The following UTP11 variants were observed in gnomAD, a reference collection of about 807,000 sequenced individuals.
UTP11 encodes the protein UTP11 small subunit processome component.
In UTP11, 29 loss-of-function variants were observed where a neutral mutation model predicts 39.0. The ratio of observed to expected loss-of-function variants is 0.74; its 90% CI spans 0.55 to 1.01. UTP11 has a LOEUF of 1.01. Among genes scored for constraint, UTP11 ranks in the 50% least tolerant of loss-of-function variants. UTP11 has a pLI of 0.00. For synonymous variants in UTP11, 111 were observed against 105.0 expected, an observed-to-expected ratio of 1.06 and a Z score of -0.35; for missense variants, 281 against 306.0, an observed-to-expected ratio of 0.92 and a Z score of 0.61.
chr1:38,016,332 A>C, intron 1 of UTP11, 27 bp from the exon 2 acceptor site: 1 of 1,612,872 alleles, frequency 6.2e-7, no homozygotes, highest in Non-Finnish European at 8.5e-7. Flanking sequence ...GAAACTAAGC[A>C]CTGTTGTTCT....
In UTP11 at chr1:38,023,641, A is replaced by C; in HGVS notation, c.*13A>C. The C allele has an allele frequency of 6.3e-7, 1 of 1,595,068 alleles. No individual in the cohort carries two copies. The highest frequency in any genetic ancestry group is 1.8e-5 in the Admixed American group (1 of 56,056). ...TCGAAAACGTTGACGTGTTATAGAT[A>C]AGCCTTGTCATTCTGTATCAAAAAT... On this transcript the variant is annotated 3_prime_UTR_variant, in exon 8 of 8. Coordinates refer to ENST00000373014, the MANE Select transcript of UTP11 (RefSeq NM_016037.4).
intron 1 of UTP11, among the ~76,000 whole-genome samples, chr1:38,013,955 T>C (rs2148736200): frequency 6.6e-6 from 1 of 152,304 alleles, no homozygotes; most frequent in South Asian, 2.1e-4. Context: ...CCTCTGGTGA[T>C]CCACCCGCCT....
Position 38,019,000 on chromosome 1 carries a change from T to C in UTP11, c.343-59T>C, listed in dbSNP as rs557857747. 186 of 1,386,142 alleles carry C rather than the reference T, an allele frequency of 1.3e-4. No individual in the cohort carries two copies. The African/African-American group carries it at 2.3e-3, about 17-fold the overall frequency. 85.9% of individuals were successfully genotyped at this position (1,386,142 alleles called of 1,614,324 possible). On this transcript the variant is annotated intron_variant, in intron 4 of 7. Coordinates refer to ENST00000373014, the MANE Select transcript of UTP11 (RefSeq NM_016037.4). ...ATGGTTTAAACTTTTGCAGTTTTTT[T>C]TTTTTTTTGGTACCCTAGAAGAATC... is the stretch of plus-strand genomic sequence containing the variant.
At chr1:38,016,218 G>T in intron 1 of UTP11, 141 bp from the exon 2 acceptor site, 1 of 801,478 alleles carries the variant, frequency 1.2e-6, no homozygotes. Flanking sequence ...GGGGAGGGGA[G>T]GGAACAGGGT....
chr1:38,020,294 G>A (rs762204559), intron 6 of UTP11, among the ~76,000 whole-genome samples: 1 of 151,834 alleles, frequency 6.6e-6, no homozygotes, highest in African/African-American at 2.4e-5. Context: ...GTAGAAACGG[G>A]GTCTCGCTAA....
In UTP11 at chr1:38,012,782, C is replaced by G. The variant is rs779659828; in HGVS notation, c.-21C>G. 2.5e-6 allele frequency: 4 copies of G among 1,614,196 alleles called. No homozygotes were observed. The South Asian group carries it at 3.3e-5, about 13-fold the overall frequency. On this transcript the variant is annotated 5_prime_UTR_variant, in exon 1 of 8. The change creates a new upstream start codon in the 5' untranslated region. Coordinates refer to ENST00000373014, the MANE Select transcript of UTP11 (RefSeq NM_016037.4). ...TGCGGATCCGGCGTTCTCCACTGATCTTTTCCAAGGCTGTACAGACATGGC... is the reference window on the plus strand; with the variant it reads ...TGCGGATCCGGCGTTCTCCACTGATGTTTTCCAAGGCTGTACAGACATGGC...
At position 38,016,368 on chromosome 1, in the gene UTP11, C is replaced by G. The variant is rs770794404; in HGVS notation, c.73C>G (p.Arg25Gly). ...TTCTTTTGTCTTCTAGCCTGGCTTT[C>G]GAAAACATCTGGGCCTGCTGGAGAA... ...EHRERSQPGFRKHLGLLEKKK... is the reference protein window; with the variant it reads ...EHRERSQPGFGKHLGLLEKKK... Residue 25 changes from arginine to glycine, a missense_variant, in exon 2 of 8, where the codon CGA (arginine) becomes GGA (glycine). Coordinates refer to ENST00000373014, the MANE Select transcript of UTP11 (RefSeq NM_016037.4). 1 of 1,614,176 alleles carries G rather than the reference C, an allele frequency of 6.2e-7. No individual in the cohort carries two copies.
chr1:38,019,269 C>T lies in UTP11; in HGVS notation c.453C>T (p.Val151=), dbSNP rs1020653905. The change falls in exon 6 of 8, where the codon GTC becomes GTT. Residue 151 remains valine, a synonymous_variant. Coordinates refer to ENST00000373014, the MANE Select transcript of UTP11 (RefSeq NM_016037.4). Reference sequence around the variant, plus strand: ...GAATTTTAGTTGAACAGTTTGATGTCGCAACTCACCTGCAAACAGCCCCGG... The same window carrying T: ...GAATTTTAGTTGAACAGTTTGATGTTGCAACTCACCTGCAAACAGCCCCGG... The part of the protein sequence containing the change: ...DTKKEVEQFD[V]ATHLQTAPEL... 15 of 1,613,900 alleles carry T rather than the reference C, an allele frequency of 9.3e-6. No homozygotes were observed. The highest frequency in any genetic ancestry group is 4.0e-5 in the African/African-American group (3 of 74,872).
At chr1:38,021,982 C>T (rs1388596077) in intron 6 of UTP11, among the ~76,000 whole-genome samples, 1 of 152,034 alleles carries the variant, frequency 6.6e-6, no homozygotes, top group Non-Finnish European at 1.5e-5. Flanking sequence ...CCCCACTGAT[C>T]TTTGAGGAGT....
In UTP11 at chr1:38,023,704, C is replaced by G; in HGVS notation, c.*76C>G. ...TCTAGTAACTTCAAATTCCATTACT[C>G]CAAATGGCATGGTTTTCCGGTTTGT... On this transcript the variant is annotated 3_prime_UTR_variant, in exon 8 of 8. Coordinates refer to ENST00000373014, the MANE Select transcript of UTP11 (RefSeq NM_016037.4). 1.1e-5 allele frequency: 14 copies of G among 1,310,530 alleles called. No individual in the cohort carries two copies. The highest frequency in any genetic ancestry group is 1.5e-5 in the Non-Finnish European group (14 of 942,220). 81.2% of individuals were successfully genotyped at this position (1,310,530 alleles called of 1,614,324 possible). A position where few individuals can be genotyped will look rare whatever the true frequency, so the allele number is the denominator to read the frequency against.
intron 6 of UTP11, among the ~76,000 whole-genome samples, chr1:38,022,486 C>T (rs1052331801): frequency 5.3e-5 from 8 of 152,096 alleles, no homozygotes; most frequent in African/African-American, 7.2e-5. Flanking sequence ...GGATTACTGG[C>T]GTGAGCCACT....
At chr1:38,014,812 A>T (rs1646699059) in intron 1 of UTP11, among the ~76,000 whole-genome samples, 1 of 151,642 alleles carries the variant, frequency 6.6e-6, no homozygotes, top group South Asian at 2.1e-4. Context: ...ATTTTATTTT[A>T]TTTTTTTAAT....
At chr1:38,012,937 A>G (rs1337859510) in intron 1 of UTP11, 72 bp downstream of exon 1, 4 of 1,593,252 alleles carry the variant, frequency 2.5e-6, no homozygotes, top group Non-Finnish European at 1.7e-6. Flanking sequence ...CCCTGTCGCC[A>G]CCGTGGGATC....
intron 2 of UTP11, chr1:38,016,751 A>T (rs1350499243): frequency 1.0e-5 from 3 of 287,796 alleles, no homozygotes; most frequent in Non-Finnish European, 2.0e-5. Flanking sequence ...GAAGTGCAGG[A>T]TATAATCTGA....
chr1:38,016,319 G>A, intron 1 of UTP11, 40 bp from the exon 2 acceptor site: 1 of 1,605,832 alleles, frequency 6.2e-7, no homozygotes. Context: ...TGTGTTTGCG[G>A]AGGAAACTAA....
chr1:38,016,313 T>C (rs765644631), intron 1 of UTP11, 46 bp from the exon 2 acceptor site: 1 of 1,595,676 alleles, frequency 6.3e-7, no homozygotes, highest in Non-Finnish European at 8.6e-7. Context: ...TGGATATGTG[T>C]TTGCGGAGGA....
chr1:38,023,478 T>G, intron 7 of UTP11, 67 bp from the exon 8 acceptor site: 1 of 1,467,722 alleles, frequency 6.8e-7, no homozygotes, highest in South Asian at 1.2e-5. Flanking sequence ...ATAGGTAGTT[T>G]ATTAACCTTT....
chr1:38,019,239 G>A lies in UTP11; in HGVS notation c.437-14G>A. On this transcript the variant is annotated splice_polypyrimidine_tract_variant and intron_variant, in intron 5 of 7. Coordinates refer to ENST00000373014, the MANE Select transcript of UTP11 (RefSeq NM_016037.4). Reference sequence around the variant, plus strand: ...AGAAACCGACAGTGCCTTAAGGATTGTCTTGAATTTTAGTTGAACAGTTTG... The same window carrying A: ...AGAAACCGACAGTGCCTTAAGGATTATCTTGAATTTTAGTTGAACAGTTTG... 1.2e-6 allele frequency: 2 copies of A among 1,614,046 alleles called. No individual in the cohort carries two copies. Among genetic ancestry groups the A allele is most frequent in the South Asian group, 1.1e-5 (1 of 91,078 alleles).
At chr1:38,015,604 G>A (rs1646703508) in intron 1 of UTP11, among the ~76,000 whole-genome samples, 1 of 152,174 alleles carries the variant, frequency 6.6e-6, no homozygotes, top group Non-Finnish European at 1.5e-5. Context: ...GCAAGACCCT[G>A]ACATATACTA....
Sources: gnomAD v4.1 joint callset for allele counts (sites outside exome capture counted in the v4.1 genomes callset) on GRCh38, gnomAD v4.1.1 for gene constraint, MANE v1.5 for transcripts, NCBI Gene and HGNC (gene_info 2026-07-23, HGNC 2026-07-21) for gene names.